PHF12: variants seen among roughly 807,000 people sequenced by gnomAD.
PHF12 encodes the protein PHD finger protein 12, also known as PHD factor 1.
PHF12 carries 6 observed loss-of-function variants against 99.8 expected under a neutral mutation model. The ratio of observed to expected loss-of-function variants is 0.06; its 90% CI spans 0.03 to 0.12. PHF12 has a LOEUF of 0.12. Among genes scored for constraint, PHF12 ranks in the 10% least tolerant of loss-of-function variants. The pLI is 1.00. For synonymous variants in PHF12, 480 were observed against 514.9 expected (o/e 0.93, Z 0.92); for missense variants, 954 against 1,300.1 (o/e 0.73, Z 4.09).
Position 28,949,995 on chromosome 17 carries a change from G to A in PHF12, c.248+70C>T. 1 of 1,453,708 alleles carries A rather than the reference G, an allele frequency of 6.9e-7. No individual in the cohort carries two copies. Among genetic ancestry groups the A allele is most frequent in the East Asian group, 2.6e-5 (1 of 38,870 alleles). The allele number at this position is 1,453,708 out of a possible 1,614,324, so 90.1% of individuals were successfully genotyped here. ...AGCGCCCGTTATTTCGGCAGTCAGG[G>A]GCAGGCCGGGTGAAGGAATGCGCAG... On this transcript the variant is annotated intron_variant, in intron 2 of 14. Transcript: ENST00000332830. This position sits in a 1 kb window ranked among gnomAD's most constrained non-coding sequence, Gnocchi z 4.6.
intron 9 of PHF12, among the ~76,000 whole-genome samples, chr17:28,911,807 G>T (rs1245388937): frequency 2.0e-5 from 3 of 152,182 alleles, no homozygotes; most frequent in Admixed American, 1.3e-4. Context: ...TGGTTCAGAT[G>T]CTGGGGTCAG....
chr17:28,913,652 T>C (rs1457440245), intron 8 of PHF12, among the ~76,000 whole-genome samples: 3 of 152,222 alleles, frequency 2.0e-5, no homozygotes, highest in Admixed American at 6.5e-5. Context: ...CATCTCACAG[T>C]GCACTGGGGT....
At chr17:28,922,865 G>C (rs924320596) in intron 4 of PHF12, among the ~76,000 whole-genome samples, 7 of 152,094 alleles carry the variant, frequency 4.6e-5, no homozygotes, top group Non-Finnish European at 8.8e-5. Flanking sequence ...GGAGGATCGT[G>C]TGAGCACAAT....
chr17:28,910,883 C>T, intron 10 of PHF12: 1 of 538,058 alleles, frequency 1.9e-6, no homozygotes, highest in Non-Finnish European at 3.2e-6. Context: ...CTCTGTCCTC[C>T]CTTCATCTTT....
chr17:28,944,351 C>T (rs899607669), intron 2 of PHF12, among the ~76,000 whole-genome samples: 1 of 152,192 alleles, frequency 6.6e-6, no homozygotes, highest in African/African-American at 2.4e-5. Flanking sequence ...AAGTACTTGC[C>T]TTACTTTACA....
chr17:28,908,723 G>T, intron 12 of PHF12, 60 bp downstream of exon 12: 1 of 1,534,572 alleles, frequency 6.5e-7, no homozygotes, highest in Non-Finnish European at 9.0e-7. Context: ...TGTGGGTAAG[G>T]GTGTCAGTCT....
At position 28,913,982 on chromosome 17, in the gene PHF12, G is replaced by A. The variant is rs746254087; in HGVS notation, c.1190C>T (p.Ala397Val). The A allele has an allele frequency of 1.4e-5, 22 of 1,613,564 alleles. No homozygotes were observed. Among genetic ancestry groups the A allele is most frequent in the Middle Eastern group, 1.6e-4 (1 of 6,080 alleles). The change falls in exon 8 of 15, where the codon GCG becomes GTG. Residue 397 changes from alanine to valine, a missense_variant. This residue lies in a region of PHF12 where 392 missense variants were observed against 423.1 expected (regional missense o/e 0.93). Coordinates refer to ENST00000332830, the MANE Select transcript of PHF12 (RefSeq NM_001033561.2). ...YQFPPPLIAPAAIRDGELICN... is the reference protein window; with the variant it reads ...YQFPPPLIAPVAIRDGELICN... ...GATCAGCTCCCCGTCCCGAATGGCC[G>A]CGGGTGCAATGAGAGGGGGTGGAAA...
Position 28,950,088 on chromosome 17 carries a change from C to G in PHF12, c.225G>C (p.Pro75=). 4 of 1,612,156 alleles carry G rather than the reference C, an allele frequency of 2.5e-6. No homozygotes were observed. The highest frequency in any genetic ancestry group is 3.4e-6 in the Non-Finnish European group (4 of 1,179,168). Residue 75 remains proline (P), a synonymous_variant, in exon 2 of 15, where the codon CCG becomes CCC. Coordinates refer to ENST00000332830, the MANE Select transcript of PHF12 (RefSeq NM_001033561.2). This position sits in a 1 kb window ranked among gnomAD's most constrained non-coding sequence, Gnocchi z 5.7. ...GGDLLCCDHC[P]AAFHLQCCNP... The stretch of plus-strand genomic sequence containing the variant: ...ACCAGCACTGGAGGTGGAAGGCAGC[C>G]GGGCAGTGGTCGCAGCACAGGAGAT...
At position 28,929,354 on chromosome 17, in the gene PHF12, C is replaced by T. The variant is rs1421835404; in HGVS notation, c.249-2291G>A. Reference sequence around the variant, plus strand: ...GCCTCCCATGTTCAAGCAATTCTCCCGCCTCAGCCTCCTGAGTAGCTAGGA... The same window carrying T: ...GCCTCCCATGTTCAAGCAATTCTCCTGCCTCAGCCTCCTGAGTAGCTAGGA... On this transcript the variant is annotated intron_variant, in intron 2 of 14. Transcript: ENST00000332830. Among the ~76,000 whole-genome samples, 9 of 151,816 alleles carry T rather than the reference C, an allele frequency of 5.9e-5. No homozygotes were observed. The East Asian group carries it at 1.6e-3, about 27-fold the overall frequency.
intron 6 of PHF12, 77 bp from the exon 7 acceptor site, chr17:28,917,526 T>G: frequency 6.7e-7 from 1 of 1,483,668 alleles, no homozygotes; most frequent in South Asian, 1.4e-5. Flanking sequence ...ATTCCCTGTG[T>G]TTAAAAACTA....
intron 2 of PHF12, among the ~76,000 whole-genome samples, chr17:28,947,658 A>G (rs573584386): frequency 6.6e-6 from 1 of 151,820 alleles, no homozygotes; most frequent in African/African-American, 2.4e-5. Flanking sequence ...CAGACGCAGA[A>G]AAGTGAGATA....
intron 4 of PHF12, among the ~76,000 whole-genome samples, chr17:28,922,214 T>G (rs576458610): frequency 1.2e-3 from 185 of 152,270 alleles, no homozygotes; most frequent in African/African-American, 4.3e-3. Context: ...TCAGCCTCCA[T>G]ATGAGCCAGG....
Position 28,949,375 on chromosome 17 carries a change from AG to A in PHF12, c.248+689del. On this transcript the variant is annotated intron_variant, in intron 2 of 14. Coordinates refer to ENST00000332830, the MANE Select transcript of PHF12 (RefSeq NM_001033561.2). The surrounding 1 kb of genome is among the most constrained non-coding windows in gnomAD (Gnocchi z 4.6). ...ACAGGGGGCAAGCGGAGGCAGAGAA[AG>A]GGGATCAAAGCGGCGAGATCCCAGA... 6.6e-6 allele frequency among the ~76,000 whole-genome samples: 1 copy of A among 152,258 alleles called. No homozygotes were observed. The highest frequency in any genetic ancestry group is 1.9e-4 in the East Asian group (1 of 5,166).
intron 7 of PHF12, among the ~76,000 whole-genome samples, chr17:28,916,239 G>A (rs1330391654): frequency 6.6e-6 from 1 of 152,180 alleles, no homozygotes; most frequent in Non-Finnish European, 1.5e-5. Flanking sequence ...TTGTTGTCCA[G>A]GCCGGAGTGC....
At chr17:28,938,316 C>T (rs965849217) in intron 2 of PHF12, among the ~76,000 whole-genome samples, 16 of 152,126 alleles carry the variant, frequency 1.1e-4, no homozygotes, top group African/African-American at 3.1e-4. Context: ...CTGCAACCTC[C>T]GCCTCCCGGT....
At chr17:28,940,287 G>A (rs1287524740) in intron 2 of PHF12, among the ~76,000 whole-genome samples, 3 of 152,208 alleles carry the variant, frequency 2.0e-5, no homozygotes, top group East Asian at 1.9e-4. Flanking sequence ...GGAATTACAC[G>A]GCAGTGAGAA....
rs1240702494 is a variant in PHF12, at chr17:28,905,503, TA to T, written c.*679del. ...CACATGTAGTACTGTACACGGTTTT[TA>T]AAAACATTGAAAAAATGTCATCACT... On this transcript the variant is annotated 3_prime_UTR_variant, in exon 15 of 15. Coordinates refer to ENST00000332830, the MANE Select transcript of PHF12 (RefSeq NM_001033561.2). The T allele has an allele frequency of 6.6e-6, 1 of 152,476 alleles. No individual in the cohort carries two copies. The highest frequency in any genetic ancestry group is 1.5e-5 in the Non-Finnish European group (1 of 68,032). The allele number at this position is 152,476 out of a possible 1,614,324, so 9.4% of individuals were successfully genotyped here.
intron 13 of PHF12, 121 bp downstream of exon 13, chr17:28,907,469 G>A: frequency 1.1e-6 from 1 of 914,002 alleles, no homozygotes; most frequent in South Asian, 1.6e-5. Context: ...GACAGGGAGG[G>A]AAGAAAAAGA....
intron 9 of PHF12, chr17:28,911,498 C>T (rs2039960219): frequency 2.3e-6 from 1 of 425,620 alleles, no homozygotes; most frequent in Admixed American, 4.0e-5. Flanking sequence ...AGTGGTGGGG[C>T]AGCTTCATTC....
Sources: gnomAD v4.1 joint callset for allele counts (sites outside exome capture counted in the v4.1 genomes callset) on GRCh38, gnomAD v4.1.1 for gene constraint, gnomAD v4.1.1 regional missense constraint, Gnocchi (gnomAD v3.1) non-coding constraint, MANE v1.5 for transcripts, NCBI Gene and HGNC (gene_info 2026-07-23, HGNC 2026-07-21) for gene names.